The following TENT2 variants were observed in gnomAD, a reference collection of about 807,000 sequenced individuals.
The protein encoded by TENT2 is terminal nucleotidyltransferase 2.
TENT2 carries 44 observed loss-of-function variants against 72.2 expected under a neutral mutation model. The ratio of observed to expected loss-of-function variants is 0.61; its 90% CI spans 0.48 to 0.78. The LOEUF (loss-of-function observed/expected upper bound fraction) is 0.78, where lower values mean the gene tolerates loss of function less well. TENT2 is among the 30% of genes least tolerant of loss of function. TENT2 has a pLI of 0.00. For missense variants in TENT2, 541 were observed against 569.6 expected (o/e 0.95, Z 0.51); for synonymous variants, 212 against 192.5 (o/e 1.10, Z -0.84).
intron 10 of TENT2, among the ~76,000 whole-genome samples, chr5:79,649,812 A>G (rs1044015778): frequency 6.6e-6 from 1 of 152,184 alleles, no homozygotes; most frequent in Admixed American, 6.6e-5. Context: ...AAAATTTCCT[A>G]GACGTATAGG....
At chr5:79,626,012 A>G (rs1350421904) in intron 4 of TENT2, among the ~76,000 whole-genome samples, 1 of 151,848 alleles carries the variant, frequency 6.6e-6, no homozygotes, top group Non-Finnish European at 1.5e-5. Context: ...TATTTTTAAT[A>G]GAGACGGGGT....
At chr5:79,679,906 C>T (rs1436472684) in intron 13 of TENT2, among the ~76,000 whole-genome samples, 2 of 151,984 alleles carry the variant, frequency 1.3e-5, no homozygotes, top group Non-Finnish European at 2.9e-5. Flanking sequence ...TGTCTTTATC[C>T]CTCTTACTTG....
intron 4 of TENT2, among the ~76,000 whole-genome samples, chr5:79,637,856 G>A (rs1781379678): frequency 6.9e-6 from 1 of 145,124 alleles, no homozygotes; most frequent in Admixed American, 7.1e-5. Context: ...AGAGTGCAGT[G>A]GCATGATCTC....
chr5:79,631,871 T>C (rs1432737691), intron 4 of TENT2, among the ~76,000 whole-genome samples: 1 of 152,068 alleles, frequency 6.6e-6, no homozygotes, highest in African/African-American at 2.4e-5. Flanking sequence ...AAAAACTTTT[T>C]TGAACTGGCT....
At chr5:79,634,577 G>A (rs1362298328) in intron 4 of TENT2, among the ~76,000 whole-genome samples, 1 of 152,100 alleles carries the variant, frequency 6.6e-6, no homozygotes, top group Non-Finnish European at 1.5e-5. Flanking sequence ...GACCTCAAGT[G>A]ATCTGCCCGC....
rs1269598821 is a variant in TENT2 at position 79,686,986 on chromosome 5, C to A, written c.*1713C>A. Reference sequence around the variant, plus strand: ...TTAGTCATAGTACTATTCAGTAATACTGTGCAACTTTCAGGGATGGGTAAG... The same window carrying A: ...TTAGTCATAGTACTATTCAGTAATAATGTGCAACTTTCAGGGATGGGTAAG... On this transcript the variant is annotated 3_prime_UTR_variant, in exon 15 of 15. Transcript: ENST00000453514. Among the ~76,000 whole-genome samples, 1 of 152,098 alleles carries A rather than the reference C, an allele frequency of 6.6e-6. No homozygotes were observed. The highest frequency in any genetic ancestry group is 1.5e-5 in the Non-Finnish European group (1 of 68,012).
intron 4 of TENT2, among the ~76,000 whole-genome samples, chr5:79,639,142 C>CTT (rs1293753144): frequency 6.9e-6 from 1 of 145,912 alleles, no homozygotes. Context: ...AAAAGGACGC[C>CTT]TTTTTTTTTT....
chr5:79,669,351 A>G (rs1327301430), intron 12 of TENT2, among the ~76,000 whole-genome samples: 2 of 152,154 alleles, frequency 1.3e-5, no homozygotes, highest in Non-Finnish European at 2.9e-5. Flanking sequence ...TGGAACATCC[A>G]TTTTCTATAC....
chr5:79,649,712 A>G (rs1215678215), intron 10 of TENT2, among the ~76,000 whole-genome samples: 2 of 152,126 alleles, frequency 1.3e-5, no homozygotes, highest in African/African-American at 4.8e-5. Flanking sequence ...GGTAAAAGCT[A>G]TACTTTTGTC....
At chr5:79,639,803 A>G (rs1782961529) in intron 4 of TENT2, among the ~76,000 whole-genome samples, 2 of 152,300 alleles carry the variant, frequency 1.3e-5, no homozygotes, top group African/African-American at 2.4e-5. Flanking sequence ...TATTGTAAAG[A>G]CCACATTATA....
rs560762068 is a variant in TENT2, at chr5:79,643,029, C to G, written c.751+119C>G. The G allele has an allele frequency of 6.5e-6, 8 of 1,222,994 alleles. No homozygotes were observed. In the African/African-American group the frequency reaches 1.2e-4, roughly 19 times the overall value. 75.8% of individuals were successfully genotyped at this position (1,222,994 alleles called of 1,614,324 possible). A position where few individuals can be genotyped will look rare whatever the true frequency, so the allele number is the denominator to read the frequency against. Reference sequence around the variant, plus strand: ...GGTCAGGATCAGTATAATATGAATTCTTTTTTCCAAATGAATTTCTTTTAA... The same window carrying G: ...GGTCAGGATCAGTATAATATGAATTGTTTTTTCCAAATGAATTTCTTTTAA... On this transcript the variant is annotated intron_variant, in intron 7 of 14. Coordinates refer to ENST00000453514, the MANE Select transcript of TENT2 (RefSeq NM_001114394.3).
intron 4 of TENT2, among the ~76,000 whole-genome samples, chr5:79,625,932 G>A (rs1288378995): frequency 3.3e-5 from 5 of 151,128 alleles, no homozygotes; most frequent in African/African-American, 1.2e-4. Flanking sequence ...GGGTTCAAGC[G>A]ATTCTCCTGC....
At chr5:79,638,129 T>C (rs754702321) in intron 4 of TENT2, among the ~76,000 whole-genome samples, 2 of 152,152 alleles carry the variant, frequency 1.3e-5, no homozygotes, top group Admixed American at 6.5e-5. Flanking sequence ...TTCAGAAATA[T>C]ACTTCCTTAG....
Position 79,619,736 on chromosome 5 carries a change from T to G in TENT2, c.88T>G (p.Tyr30Asp). 2 of 1,613,934 alleles carry G rather than the reference T, an allele frequency of 1.2e-6. No individual in the cohort carries two copies. Among genetic ancestry groups the G allele is most frequent in the Non-Finnish European group, 1.7e-6 (2 of 1,179,870 alleles). The change falls in exon 2 of 15, where the codon TAT becomes GAT. Residue 30 changes from tyrosine (Y) to aspartate (D), a missense_variant. Coordinates refer to ENST00000453514, the MANE Select transcript of TENT2 (RefSeq NM_001114394.3). ...NNFFTLSPTV[Y>D]SHQQLIDAQF... ...CTTCTTTACCCTGTCACCTACTGTTTATTCACACCAGCAGCTTATAGATGC... is the reference window on the plus strand; with the variant it reads ...CTTCTTTACCCTGTCACCTACTGTTGATTCACACCAGCAGCTTATAGATGC...
chr5:79,633,179 T>C (rs1314572215), intron 4 of TENT2, among the ~76,000 whole-genome samples: 2 of 152,200 alleles, frequency 1.3e-5, no homozygotes, highest in Admixed American at 6.5e-5. Flanking sequence ...TCTGGCTTTA[T>C]TTTCCTCAGA....
At position 79,682,029 on chromosome 5, in the gene TENT2, A is replaced by C; in HGVS notation, c.1348A>C (p.Lys450Gln). Residue 450 changes from lysine to glutamine, a missense_variant, in exon 14 of 15, where the codon AAA becomes CAA. Physicochemically the swap from Lys to Gln is moderately conservative, Grantham distance 53. Coordinates refer to ENST00000453514, the MANE Select transcript of TENT2 (RefSeq NM_001114394.3). ...NTARAVHEKQKFDMIKDQFLK... is the reference protein window; with the variant it reads ...NTARAVHEKQQFDMIKDQFLK... ...AGCCAGAGCAGTGCACGAAAAGCAG[A>C]AATTTGATATGATCAAGGATCAATT... is the stretch of plus-strand genomic sequence containing the variant. The C allele has an allele frequency of 1.2e-6, 2 of 1,613,708 alleles. No homozygotes were observed. The highest frequency in any genetic ancestry group is 1.7e-4 in the Middle Eastern group (1 of 6,056).
At chr5:79,636,435 G>A (rs1462848121) in intron 4 of TENT2, among the ~76,000 whole-genome samples, 1 of 151,714 alleles carries the variant, frequency 6.6e-6, no homozygotes, top group Admixed American at 6.6e-5. Flanking sequence ...GATCTTTTTT[G>A]TTTATCCTTC....
chr5:79,637,294 A>G (rs1780912235), intron 4 of TENT2, among the ~76,000 whole-genome samples: 1 of 152,076 alleles, frequency 6.6e-6, no homozygotes, highest in Admixed American at 6.5e-5. Context: ...ATGGGAATTG[A>G]TTAGAATACT....
At chr5:79,675,238 G>C (rs778846038) in intron 12 of TENT2, among the ~76,000 whole-genome samples, 1 of 152,180 alleles carries the variant, frequency 6.6e-6, no homozygotes, top group Non-Finnish European at 1.5e-5. Context: ...GTTAAGAATG[G>C]TTGGAATCTA....
Sources: allele counts gnomAD v4.1 joint callset (sites outside exome capture counted in the v4.1 genomes callset), GRCh38; gene constraint gnomAD v4.1.1; transcripts MANE v1.5; gene names NCBI Gene and HGNC (gene_info 2026-07-23, HGNC 2026-07-21).